LPO: variants seen among roughly 807,000 people sequenced by gnomAD.
LPO encodes salivary peroxidase.
LPO carries 70 observed loss-of-function variants against 68.4 expected under a neutral mutation model. That is an observed-to-expected ratio of 1.02 (90% CI 0.84 to 1.25). LPO has a LOEUF of 1.25. Ranked by LOEUF, LPO falls within the 50% of genes most tolerant of loss-of-function variation. LPO has a pLI of 0.00. For missense variants in LPO, 873 were observed against 908.4 expected (o/e 0.96, Z 0.50); for synonymous variants, 360 against 357.6 (o/e 1.01, Z -0.08).
intron 2 of LPO, chr17:58,243,639 T>A (rs556538058): frequency 2.0e-4 from 65 of 325,362 alleles, no homozygotes; most frequent in African/African-American, 1.3e-3. Flanking sequence ...TGGGTCCTCT[T>A]TGATGAACTT....
intron 4 of LPO, 45 bp from the exon 5 acceptor site, chr17:58,249,015 G>C (rs896066485): frequency 3.4e-6 from 5 of 1,482,556 alleles, no homozygotes; most frequent in Non-Finnish European, 4.7e-6. Flanking sequence ...GGGTGCCTGT[G>C]AATGGAGAAA....
rs752958190 is a variant in LPO at position 58,244,127 on chromosome 17, A to C, written c.164+46A>C. On this transcript the variant is annotated intron_variant, in intron 3 of 12. Transcript: ENST00000262290. ...CACACACACACACACACACACACAC[A>C]CACACTTCCCTTCACAGGCTTCCTG... is the stretch of plus-strand genomic sequence containing the variant. The C allele has an allele frequency of 5.3e-5, 68 of 1,284,080 alleles. No individual in the cohort carries two copies. In the South Asian group the frequency reaches 8.4e-4, roughly 16 times the overall value. The allele number at this position is 1,284,080 out of a possible 1,614,324, so 79.5% of individuals were successfully genotyped here.
chr17:58,252,420 G>A lies in LPO; in HGVS notation c.1019G>A (p.Gly340Glu), dbSNP rs767842495. The change falls in exon 8 of 13, where the codon GGA becomes GAA. Residue 340 changes from glycine (G) to glutamate (E), a missense_variant. Gly to Glu is a moderately conservative substitution (Grantham distance 98). Transcript: ENST00000262290. Reference sequence around the variant, plus strand: ...GTCAACCAGGAGGTCTCAGACCATGGACTACCCTACCTGCCCTATGACAGC... The same window carrying A: ...GTCAACCAGGAGGTCTCAGACCATGAACTACCCTACCTGCCCTATGACAGC... Reference protein sequence around the residue: ...MAVNQEVSDHGLPYLPYDSKK... With the variant: ...MAVNQEVSDHELPYLPYDSKK... 6.2e-7 allele frequency: 1 copy of A among 1,612,534 alleles called. No individual in the cohort carries two copies. Among genetic ancestry groups the A allele is most frequent in the Non-Finnish European group, 8.5e-7 (1 of 1,178,514 alleles).
At chr17:58,239,885 C>T (rs1969722659) in intron 1 of LPO, among the ~76,000 whole-genome samples, 2 of 152,282 alleles carry the variant, frequency 1.3e-5, no homozygotes, top group South Asian at 4.1e-4. Context: ...ACTATCTCTG[C>T]CCTCTCCCTC....
At chr17:58,253,248 T>C (rs1041618627) in intron 8 of LPO, among the ~76,000 whole-genome samples, 1 of 152,118 alleles carries the variant, frequency 6.6e-6, no homozygotes, top group Non-Finnish European at 1.5e-5. Flanking sequence ...TCCATGCCAT[T>C]AACTGTTCTT....
intron 8 of LPO, among the ~76,000 whole-genome samples, chr17:58,253,045 A>AG (rs1453823772): frequency 1.4e-5 from 2 of 145,650 alleles, no homozygotes; most frequent in African/African-American, 5.0e-5. Flanking sequence ...AAAAAAAAAA[A>AG]AAAGAAAGAA....
intron 6 of LPO, 23 bp downstream of exon 6, chr17:58,249,718 T>G (rs755715378): frequency 7.8e-6 from 12 of 1,540,990 alleles, no homozygotes; most frequent in Non-Finnish European, 1.0e-5. Flanking sequence ...CGGGCCGGGG[T>G]GAAGGATGGG....
intron 3 of LPO, among the ~76,000 whole-genome samples, chr17:58,245,755 G>A (rs961813355): frequency 5.9e-5 from 9 of 152,114 alleles, no homozygotes; most frequent in East Asian, 1.9e-4. Context: ...TGGGAGGGAC[G>A]TGCCCAGTAT....
In LPO at chr17:58,254,909, C is replaced by A; in HGVS notation, c.1204C>A (p.Pro402Thr). 6.2e-7 allele frequency: 1 copy of A among 1,614,112 alleles called. No homozygotes were observed. The highest frequency in any genetic ancestry group is 1.1e-5 in the South Asian group (1 of 91,074). The change falls in exon 9 of 13, where the codon CCT becomes ACT. Residue 402 changes from proline to threonine, a missense_variant. Transcript: ENST00000262290. ...GGCCAGAGAACTAAAGAGACTCAAC[C>A]CTCAGTGGGATGGAGAGAAGCTCTA... is the stretch of plus-strand genomic sequence containing the variant. ...RLARELKRLN[P>T]QWDGEKLYQE...
chr17:58,262,233 A>C (rs546552332), intron 9 of LPO, among the ~76,000 whole-genome samples: 240 of 152,216 alleles, frequency 1.6e-3, no homozygotes, highest in Non-Finnish European at 2.9e-3. Context: ...TTGTGTGAGA[A>C]TGTCTTTATT....
intron 1 of LPO, among the ~76,000 whole-genome samples, chr17:58,240,059 A>G: frequency 6.6e-6 from 1 of 152,242 alleles, no homozygotes; most frequent in East Asian, 1.9e-4. Context: ...ATGTGAAGAC[A>G]GTAATATGAG....
At chr17:58,260,619 G>T (rs1234855191) in intron 9 of LPO, among the ~76,000 whole-genome samples, 1 of 151,950 alleles carries the variant, frequency 6.6e-6, no homozygotes, top group Admixed American at 6.6e-5. Flanking sequence ...TTTGTCAAAC[G>T]GTTTTTCTGC....
Position 58,267,972 on chromosome 17 carries a change from C to G in LPO, c.2117C>G (p.Pro706Arg). The G allele has an allele frequency of 1.9e-6, 3 of 1,613,922 alleles. No homozygotes were observed. The highest frequency in any genetic ancestry group is 2.5e-6 in the Non-Finnish European group (3 of 1,180,030). ...CSAIDKLDLS[P>R]WASVKN ...GCCATCGACAAGCTGGACCTGTCAC[C>G]CTGGGCCTCAGTGAAGAATTAGGGG... The change falls in exon 13 of 13, where the codon CCC becomes CGC. Residue 706 changes from proline (P) to arginine (R), a missense_variant. Pro to Arg is a moderately radical substitution (Grantham distance 103, BLOSUM62 -2). Coordinates refer to ENST00000262290, the MANE Select transcript of LPO (RefSeq NM_006151.3).
intron 2 of LPO, 21 bp from the exon 3 acceptor site, chr17:58,243,973 G>A: frequency 1.3e-6 from 2 of 1,572,092 alleles, no homozygotes; most frequent in Non-Finnish European, 1.8e-6. Flanking sequence ...CCTACTTCCT[G>A]CTCCCCACTC....
intron 8 of LPO, 26 bp downstream of exon 8, chr17:58,252,532 G>A: frequency 4.4e-6 from 7 of 1,596,174 alleles, no homozygotes; most frequent in Non-Finnish European, 6.0e-6. Context: ...GAACAGAAGG[G>A]CCCAAGGACA....
chr17:58,248,478 A>G (rs911745567), intron 4 of LPO, among the ~76,000 whole-genome samples: 3 of 152,054 alleles, frequency 2.0e-5, no homozygotes, highest in African/African-American at 7.2e-5. Flanking sequence ...GGATGAGGGT[A>G]TGCGTTCAGA....
chr17:58,261,594 A>C (rs1319462932), intron 9 of LPO, among the ~76,000 whole-genome samples: 1 of 151,526 alleles, frequency 6.6e-6, no homozygotes, highest in African/African-American at 2.4e-5. Flanking sequence ...ACCTTTAGTA[A>C]TTAGTACTTT....
rs1969981723 is a variant in LPO, at chr17:58,252,521, G to T, written c.1105+15G>T. On this transcript the variant is annotated intron_variant, in intron 8 of 12. Transcript: ENST00000262290. ...CTTCCTGGCAGGTGAGTCTAGCCTG[G>T]GAACAGAAGGGCCCAAGGACAAGGG... is the stretch of plus-strand genomic sequence containing the variant. 6.2e-7 allele frequency: 1 copy of T among 1,603,374 alleles called. No homozygotes were observed. Among genetic ancestry groups the T allele is most frequent in the African/African-American group, 1.3e-5 (1 of 74,662 alleles).
chr17:58,267,682 T>C, intron 12 of LPO, 96 bp downstream of exon 12: 1 of 1,450,068 alleles, frequency 6.9e-7, no homozygotes, highest in Non-Finnish European at 9.5e-7. Context: ...GATCTCAGTG[T>C]GAGTAGGGCT....
Sources: gnomAD v4.1 joint callset for allele counts (sites outside exome capture counted in the v4.1 genomes callset) on GRCh38, gnomAD v4.1.1 for gene constraint, MANE v1.5 for transcripts, NCBI Gene and HGNC (gene_info 2026-07-23, HGNC 2026-07-21) for gene names.